The following VPS13B variants were observed in gnomAD, a reference collection of about 807,000 sequenced individuals.
VPS13B encodes vacuolar protein sorting 13 homolog B, also known as intermembrane lipid transfer protein VPS13B.
Under a neutral mutation model 426.4 loss-of-function variants are expected in VPS13B, and 285 were observed. The ratio of observed to expected loss-of-function variants is 0.67; its 90% CI spans 0.61 to 0.74. VPS13B has a LOEUF of 0.74. Ranked by LOEUF, VPS13B falls within the 30% of genes least tolerant of loss-of-function variation. VPS13B has a pLI of 0.00. For missense variants in VPS13B, 4,537 were observed against 4,782.6 expected (o/e 0.95, Z 1.51); for synonymous variants, 1,676 against 1,676.4 (o/e 1.00, Z 0.01).
chr8:99,553,768 T>TA (rs1824402947), intron 30 of VPS13B, among the ~76,000 whole-genome samples: 1 of 152,168 alleles, frequency 6.6e-6, no homozygotes, highest in East Asian at 1.9e-4. Flanking sequence ...TCAAATATTA[T>TA]AAATTACTCT....
chr8:99,403,654 T>C (rs1815172106), intron 21 of VPS13B, among the ~76,000 whole-genome samples: 1 of 152,138 alleles, frequency 6.6e-6, no homozygotes, highest in African/African-American at 2.4e-5. Context: ...TTAGGTACTA[T>C]GATTGGCCCA....
rs564368295 is a variant in VPS13B, at chr8:99,300,167, G to A, written c.2824+24913G>A. Among the ~76,000 whole-genome samples, 13 of 152,230 alleles carry A rather than the reference G, an allele frequency of 8.5e-5. No homozygotes were observed. In the South Asian group the frequency reaches 2.5e-3, roughly 29 times the overall value. ...AGCAAACTTGTGTGTGTGTTTGTGT[G>A]TACACCAGGGGTGAGCACAACATTT... On this transcript the variant is annotated intron_variant, in intron 19 of 61. Transcript: ENST00000357162.
At chr8:99,677,513 C>A (rs1019382239) in intron 35 of VPS13B, among the ~76,000 whole-genome samples, 1 of 152,164 alleles carries the variant, frequency 6.6e-6, no homozygotes, top group Non-Finnish European at 1.5e-5. Context: ...TAGGGAAAAG[C>A]CTTCCATTAT....
intron 19 of VPS13B, among the ~76,000 whole-genome samples, chr8:99,334,523 G>A (rs536631209): frequency 1.9e-4 from 29 of 152,160 alleles, no homozygotes; most frequent in African/African-American, 6.0e-4. Context: ...TTTGAGATAC[G>A]TCCCATCAAT....
intron 15 of VPS13B, among the ~76,000 whole-genome samples, chr8:99,163,565 G>T (rs1209626401): frequency 6.6e-6 from 1 of 152,338 alleles, no homozygotes; most frequent in African/African-American, 2.4e-5. Flanking sequence ...GCTAAGGCCC[G>T]GCGAGAAATC....
chr8:99,549,507 A>G (rs1824163485), intron 30 of VPS13B, among the ~76,000 whole-genome samples: 3 of 152,024 alleles, frequency 2.0e-5, no homozygotes, highest in Non-Finnish European at 4.4e-5. Context: ...CTCTCTCTAT[A>G]TTATCTCACT....
At chr8:99,129,569 TA>T (rs36029878) in intron 8 of VPS13B, among the ~76,000 whole-genome samples, 1,450 of 79,118 alleles carry the variant, frequency 0.018, 23 homozygotes, top group African/African-American at 0.062. Flanking sequence ...TGTGTCTCCT[TA>T]AAAAAAAAAA....
chr8:99,057,256 T>C (rs780787275), intron 3 of VPS13B, among the ~76,000 whole-genome samples: 99 of 152,208 alleles, frequency 6.5e-4, no homozygotes, highest in Middle Eastern at 3.4e-3. Context: ...TATTTATACC[T>C]CATGGATTCT....
intron 19 of VPS13B, among the ~76,000 whole-genome samples, chr8:99,297,702 G>A (rs7001154): frequency 1.3e-5 from 2 of 152,100 alleles, no homozygotes; most frequent in Admixed American, 6.5e-5. Flanking sequence ...GGTGAACATC[G>A]TTTTAGACAA....
At chr8:99,397,783 A>G (rs1259822410) in intron 21 of VPS13B, among the ~76,000 whole-genome samples, 1 of 152,212 alleles carries the variant, frequency 6.6e-6, no homozygotes, top group African/African-American at 2.4e-5. Context: ...AGTGAAAGAA[A>G]AAGGTGCTTT....
intron 39 of VPS13B, among the ~76,000 whole-genome samples, chr8:99,729,334 G>A (rs1017311345): frequency 1.2e-4 from 19 of 152,082 alleles, no homozygotes; most frequent in African/African-American, 4.3e-4. Context: ...TTTTCCCTTT[G>A]CAAATATCTG....
intron 36 of VPS13B, among the ~76,000 whole-genome samples, chr8:99,709,658 A>G (rs897010390): frequency 6.6e-6 from 1 of 152,238 alleles, no homozygotes; most frequent in African/African-American, 2.4e-5. Context: ...AGTCAACAGA[A>G]AAAATCAGCA....
At chr8:99,654,059 A>AT (rs776562911) in intron 34 of VPS13B, among the ~76,000 whole-genome samples, 72 of 151,006 alleles carry the variant, frequency 4.8e-4, no homozygotes, top group South Asian at 1.3e-3. Context: ...TATTATATAT[A>AT]TTTTTTTGGG....
chr8:99,507,822 T>C (rs1175779664), intron 28 of VPS13B: 1 of 1,614,130 alleles, frequency 6.2e-7, no homozygotes, highest in Non-Finnish European at 8.5e-7. Flanking sequence ...CTTCCTTTCC[T>C]GTACTGACAA....
chr8:99,502,883 G>A lies in VPS13B; in HGVS notation c.4090G>A (p.Val1364Ile), dbSNP rs1563764818. 3 of 1,613,570 alleles carry A rather than the reference G, an allele frequency of 1.9e-6. No homozygotes were observed. The highest frequency in any genetic ancestry group is 2.5e-6 in the Non-Finnish European group (3 of 1,179,718). The change falls in exon 27 of 62, where the codon GTC becomes ATC. Residue 1364 changes from valine (V) to isoleucine (I), a missense_variant. Val to Ile is a conservative substitution (Grantham distance 29). Coordinates refer to ENST00000357162, the MANE Select transcript of VPS13B (RefSeq NM_152564.5). The stretch of plus-strand genomic sequence containing the variant: ...AGAAGATCTCAGTGCTTCCATAGAT[G>A]TCCAGGATGTATATACCAAAGTGAA... ...ELEDLSASID[V>I]QDVYTKVKCK...
rs141072436 is a variant in VPS13B, at chr8:99,811,143, T to C, written c.8097+1613T>C. Among the ~76,000 whole-genome samples, 297 of 152,328 alleles carry C rather than the reference T, an allele frequency of 1.9e-3. 2 individuals carry two copies. The highest frequency in any genetic ancestry group is 6.4e-3 in the African/African-American group (267 of 41,580). On this transcript the variant is annotated intron_variant, in intron 44 of 61. Transcript: ENST00000357162. ...CTGAGAAAAGGTCATCCAGCCTCTTTGAATAGTTCAGATGACAAGAGGCTC... is the reference window on the plus strand; with the variant it reads ...CTGAGAAAAGGTCATCCAGCCTCTTCGAATAGTTCAGATGACAAGAGGCTC...
chr8:99,375,455 A>G (rs1365737978), intron 19 of VPS13B, among the ~76,000 whole-genome samples: 1 of 152,214 alleles, frequency 6.6e-6, no homozygotes, highest in Non-Finnish European at 1.5e-5. Flanking sequence ...GAGAAGAGGA[A>G]GTAATGAGCT....
At chr8:99,400,184 A>T (rs1311395339) in intron 21 of VPS13B, among the ~76,000 whole-genome samples, 1 of 152,178 alleles carries the variant, frequency 6.6e-6, no homozygotes, top group Non-Finnish European at 1.5e-5. Flanking sequence ...TATTGGAGTT[A>T]TTTGACTTCC....
chr8:99,691,350 G>A (rs1831652883), intron 35 of VPS13B, among the ~76,000 whole-genome samples: 1 of 151,972 alleles, frequency 6.6e-6, no homozygotes, highest in South Asian at 2.1e-4. Flanking sequence ...TAAATTGTAT[G>A]CTATTGAAAG....
Sources: gnomAD v4.1 joint callset for allele counts (sites outside exome capture counted in the v4.1 genomes callset) on GRCh38, gnomAD v4.1.1 for gene constraint, MANE v1.5 for transcripts, NCBI Gene and HGNC (gene_info 2026-07-23, HGNC 2026-07-21) for gene names.